ZNF274: variants seen among roughly 807,000 people sequenced by gnomAD.
The protein encoded by ZNF274 is zinc finger protein 274, also known as neurotrophin receptor-interacting factor homolog.
Under a neutral mutation model 42.5 loss-of-function variants are expected in ZNF274, and 23 were observed. That is an observed-to-expected ratio of 0.54 (90% CI 0.39 to 0.77). The LOEUF (loss-of-function observed/expected upper bound fraction) is 0.77, where lower values mean the gene tolerates loss of function less well. Ranked by LOEUF, ZNF274 falls within the 30% of genes least tolerant of loss-of-function variation. ZNF274 has a pLI of 0.00. For missense variants in ZNF274, 679 were observed against 806.5 expected, an observed-to-expected ratio of 0.84 and a Z score of 1.91; for synonymous variants, 292 against 305.4, an observed-to-expected ratio of 0.96 and a Z score of 0.46.
chr19:58,183,918 C>T lies in ZNF274; in HGVS notation c.-45-3C>T. The T allele has an allele frequency of 6.4e-7, 1 of 1,571,012 alleles. No homozygotes were observed. Among genetic ancestry groups the T allele is most frequent in the Non-Finnish European group, 8.6e-7 (1 of 1,157,410 alleles). On this transcript the variant is annotated splice_region_variant and splice_polypyrimidine_tract_variant and intron_variant, in intron 1 of 7. Coordinates refer to ENST00000617501, the MANE Select transcript of ZNF274 (RefSeq NM_133502.3). ...CCTCCCCTCCCAACTTCGGTTTCCT[C>T]AGGACTCTGCCCACTTCCACCAGAG... is the stretch of plus-strand genomic sequence containing the variant.
rs746208695 is a variant in ZNF274 at position 58,212,546 on chromosome 19, A to C, written c.1365A>C (p.Ser455=). 6.2e-7 allele frequency: 1 copy of C among 1,614,054 alleles called. No homozygotes were observed. The highest frequency in any genetic ancestry group is 1.1e-5 in the South Asian group (1 of 91,086). ...PPRKRLRKRD[S]QVKSMKHNSR... The stretch of plus-strand genomic sequence containing the variant: ...GAAAACGATTGCGCAAACGTGACTC[A>C]CAAGTTAAAAGTATGAAACATAATT... The change falls in exon 8 of 8, where the codon TCA becomes TCC. Residue 455 remains serine, a synonymous_variant. Coordinates refer to ENST00000617501, the MANE Select transcript of ZNF274 (RefSeq NM_133502.3). The surrounding 1 kb of genome is among the most constrained non-coding windows in gnomAD (Gnocchi z 4.6).
rs1488093796 is a variant in ZNF274 at position 58,213,207 on chromosome 19, CCTGCTTGTGAATCAGGA to C, written c.*68_*84del. 6.5e-7 allele frequency: 1 copy of C among 1,528,108 alleles called. No individual in the cohort carries two copies. Among genetic ancestry groups the C allele is most frequent in the Non-Finnish European group, 8.8e-7 (1 of 1,141,364 alleles). 94.7% of individuals were successfully genotyped at this position (1,528,108 alleles called of 1,614,324 possible). ...GACCCTGCAATATAACATGCACAGGCCTGCTTGTGAATCAGGACTGAATGTGAAAGGGAAGTATTGAG... is the reference window on the plus strand; with the variant it reads ...GACCCTGCAATATAACATGCACAGGCCTGAATGTGAAAGGGAAGTATTGAG... On this transcript the variant is annotated 3_prime_UTR_variant, in exon 8 of 8. Coordinates refer to ENST00000617501, the MANE Select transcript of ZNF274 (RefSeq NM_133502.3).
chr19:58,210,173 C>T, intron 6 of ZNF274, 100 bp downstream of exon 6: 1 of 876,086 alleles, frequency 1.1e-6, no homozygotes. Flanking sequence ...TAAGACCTCC[C>T]ACAGGCTGGG....
chr19:58,193,705 C>CACTTGA (rs1380262616), intron 4 of ZNF274, among the ~76,000 whole-genome samples: 1 of 151,916 alleles, frequency 6.6e-6, no homozygotes, highest in Non-Finnish European at 1.5e-5. Context: ...GTGGGAGGAT[C>CACTTGA]ACTTGAACTA....
In ZNF274 at chr19:58,211,750, G is replaced by A; in HGVS notation, c.979+64G>A. On this transcript the variant is annotated intron_variant, in intron 7 of 7. Coordinates refer to ENST00000617501, the MANE Select transcript of ZNF274 (RefSeq NM_133502.3). This position sits in a 1 kb window ranked among gnomAD's most constrained non-coding sequence, Gnocchi z 4.8. ...TAGGCCACAGGAGCCCCAAGTCAGG[G>A]GTGTTCACCTTCTCTAGACTCCACA... The A allele has an allele frequency of 6.4e-7, 1 of 1,557,140 alleles. No individual in the cohort carries two copies. Among genetic ancestry groups the A allele is most frequent in the South Asian group, 1.2e-5 (1 of 82,410 alleles).
At chr19:58,194,371 CTTTTTTTT>C (rs766266627) in intron 4 of ZNF274, among the ~76,000 whole-genome samples, 25 of 64,174 alleles carry the variant, frequency 3.9e-4, no homozygotes, top group South Asian at 6.3e-4. Context: ...TGTTTTTTAC[CTTTTTTTT>C]TTTTTTTTTT....
At chr19:58,188,481 C>T (rs1278772559) in intron 4 of ZNF274, among the ~76,000 whole-genome samples, 3 of 150,226 alleles carry the variant, frequency 2.0e-5, no homozygotes, top group Non-Finnish European at 4.4e-5. Flanking sequence ...ATTAGCTGGG[C>T]ATGGTGGGTG....
chr19:58,184,295 T>C, intron 2 of ZNF274: 1 of 298,086 alleles, frequency 3.4e-6, no homozygotes, highest in South Asian at 4.3e-5. Context: ...TGTTTGTTTG[T>C]TTTTTGTTTT....
chr19:58,188,620 A>AATATATATATATAT (rs60934983), intron 4 of ZNF274, among the ~76,000 whole-genome samples: 2 of 70,396 alleles, frequency 2.8e-5, no homozygotes, highest in African/African-American at 1.9e-4. Context: ...AAAAAAAAAA[A>AATATATATATATAT]ATATATATAT....
chr19:58,203,672 A>T (rs926826153), intron 4 of ZNF274, among the ~76,000 whole-genome samples: 2 of 152,208 alleles, frequency 1.3e-5, no homozygotes, highest in African/African-American at 4.8e-5. Flanking sequence ...GGGCGAAGTA[A>T]GTCCCCAGAA....
At position 58,183,169 on chromosome 19, in the gene ZNF274, C is replaced by G. The variant is rs916207278; in HGVS notation, c.-319C>G. On this transcript the variant is annotated 5_prime_UTR_variant, in exon 1 of 8. Transcript: ENST00000617501. ...GGCAGGGCACGACTCTCTCCCAGCTCGGGTCGCCGCCCACATTAGTGTGGG... is the reference window on the plus strand; with the variant it reads ...GGCAGGGCACGACTCTCTCCCAGCTGGGGTCGCCGCCCACATTAGTGTGGG... The G allele has an allele frequency of 6.6e-6, 1 of 152,390 alleles. No individual in the cohort carries two copies. The highest frequency in any genetic ancestry group is 6.5e-5 in the Admixed American group (1 of 15,282). The allele number at this position is 152,390 out of a possible 1,614,324, so 9.4% of individuals were successfully genotyped here. A position where few individuals can be genotyped will look rare whatever the true frequency, so the allele number is the denominator to read the frequency against.
At chr19:58,210,215 G>A (rs1319354174) in intron 6 of ZNF274, 142 bp downstream of exon 6, 1 of 616,598 alleles carries the variant, frequency 1.6e-6, no homozygotes, top group Admixed American at 3.0e-5. Context: ...TTAGGTCTGT[G>A]CTGAAGCAAT....
Position 58,183,956 on chromosome 19 carries a change from G to T in ZNF274, c.-10G>T. 1 of 1,594,270 alleles carries T rather than the reference G, an allele frequency of 6.3e-7. No homozygotes were observed. The highest frequency in any genetic ancestry group is 1.3e-5 in the African/African-American group (1 of 74,620). On this transcript the variant is annotated 5_prime_UTR_variant, in exon 2 of 8. The change creates a new upstream start codon in the 5' untranslated region. Coordinates refer to ENST00000617501, the MANE Select transcript of ZNF274 (RefSeq NM_133502.3). ...ACTTCCACCAGAGACACATTGAGAA[G>T]GAGGAAACTATGGCCTCCAGGCTTC...
chr19:58,196,599 C>G (rs2075845750), intron 4 of ZNF274, among the ~76,000 whole-genome samples: 1 of 152,114 alleles, frequency 6.6e-6, no homozygotes, highest in Non-Finnish European at 1.5e-5. Flanking sequence ...GAAACATAGA[C>G]CAAACATGAG....
chr19:58,197,866 A>G (rs2075862166), intron 4 of ZNF274, among the ~76,000 whole-genome samples: 1 of 152,202 alleles, frequency 6.6e-6, no homozygotes, highest in Non-Finnish European at 1.5e-5. Flanking sequence ...CTTTTATTGA[A>G]GAACACTTTA....
chr19:58,197,260 T>C (rs2075854885), intron 4 of ZNF274, among the ~76,000 whole-genome samples: 1 of 152,190 alleles, frequency 6.6e-6, no homozygotes, highest in African/African-American at 2.4e-5. Flanking sequence ...AGAGGACTCA[T>C]ATGGGCAAAC....
At chr19:58,187,138 A>C in intron 4 of ZNF274, 96 bp downstream of exon 4, 1 of 1,059,872 alleles carries the variant, frequency 9.4e-7, no homozygotes. Context: ...GGGATACCCC[A>C]GGTGGGATGC....
chr19:58,188,704 A>G lies in ZNF274; in HGVS notation c.256+1662A>G, dbSNP rs1313819907. Among the ~76,000 whole-genome samples the G allele has an allele frequency of 4.1e-4, 48 of 116,842 alleles. 1 individual carries two copies. Among genetic ancestry groups the G allele is most frequent in the Admixed American group, 2.0e-3 (22 of 11,264 alleles). The allele number at this position is 116,842 out of a possible 152,430, so 76.7% of individuals were successfully genotyped here. On this transcript the variant is annotated intron_variant, in intron 4 of 7. Transcript: ENST00000617501. Reference sequence around the variant, plus strand: ...TATATATATGTATATGTATATATATATATATATATATATATATATAAATCT... The same window carrying G: ...TATATATATGTATATGTATATATATGTATATATATATATATATATAAATCT...
In ZNF274 at chr19:58,207,072, G is replaced by A. The variant is rs773402288; in HGVS notation, c.609G>A (p.Leu203=). The change falls in exon 5 of 8, where the codon CTG becomes CTA. Residue 203 remains leucine (L), a synonymous_variant. Coordinates refer to ENST00000617501, the MANE Select transcript of ZNF274 (RefSeq NM_133502.3). This position sits in a 1 kb window ranked among gnomAD's most constrained non-coding sequence, Gnocchi z 5.6. ...KARSKEQILE[L]LVLEQFLGAL... ...GCTCCAAGGAGCAGATCCTGGAGCT[G>A]CTGGTGCTGGAGCAGTTCCTAGGTG... 4 of 1,613,778 alleles carry A rather than the reference G, an allele frequency of 2.5e-6. No homozygotes were observed. The highest frequency in any genetic ancestry group is 1.1e-5 in the South Asian group (1 of 91,022).
Sources: gnomAD v4.1 joint callset for allele counts (sites outside exome capture counted in the v4.1 genomes callset) on GRCh38, gnomAD v4.1.1 for gene constraint, Gnocchi (gnomAD v3.1) non-coding constraint, MANE v1.5 for transcripts, NCBI Gene and HGNC (gene_info 2026-07-23, HGNC 2026-07-21) for gene names.